Variants in CALN1 observed in about 807,000 individuals in gnomAD.
CALN1 encodes the protein calcium-binding protein 8.
In CALN1, 17 loss-of-function variants were observed where a neutral mutation model predicts 30.6. That is an observed-to-expected ratio of 0.56 (90% confidence interval 0.38 to 0.83). CALN1 has a LOEUF of 0.83. CALN1 is among the 40% of genes least tolerant of loss of function. CALN1 has a pLI of 0.00. For synonymous variants in CALN1, 156 were observed against 131.4 expected (o/e 1.19, Z -1.28); for missense variants, 291 against 354.9 (o/e 0.82, Z 1.45).
At chr7:71,861,637 C>T (rs1279280177) in intron 5 of CALN1, among the ~76,000 whole-genome samples, 1 of 151,758 alleles carries the variant, frequency 6.6e-6, no homozygotes, top group Admixed American at 6.6e-5. Context: ...AAAAATTAGC[C>T]AGGCATTGTG....
At chr7:71,808,079 C>CAAACA (rs774840438) in intron 6 of CALN1, among the ~76,000 whole-genome samples, 12 of 151,848 alleles carry the variant, frequency 7.9e-5, no homozygotes, top group Non-Finnish European at 1.5e-4. Flanking sequence ...GTCTCAAAAA[C>CAAACA]AAACAAAACA....
At chr7:72,205,559 T>TATACATATATACACATATATATATAC (rs1791790197) in intron 3 of CALN1, among the ~76,000 whole-genome samples, 1 of 77,572 alleles carries the variant, frequency 1.3e-5, no homozygotes, top group African/African-American at 6.3e-5. Flanking sequence ...AAAATATATA[T>TATACATATATACACATATATATATAC]ATATATATGT....
chr7:71,898,016 GGGGAGAGAGA>G (rs1397983988), intron 5 of CALN1, among the ~76,000 whole-genome samples: 8 of 77,604 alleles, frequency 1.0e-4, no homozygotes, highest in South Asian at 4.4e-4. Flanking sequence ...AGGGAGGGGG[GGGGAGAGAGA>G]GAGAGAGAGA....
chr7:71,823,252 A>G (rs1350467364), intron 5 of CALN1, among the ~76,000 whole-genome samples: 1 of 151,776 alleles, frequency 6.6e-6, no homozygotes, highest in Non-Finnish European at 1.5e-5. Flanking sequence ...GTAAGATCAG[A>G]GCTCACTGTA....
intron 2 of CALN1, among the ~76,000 whole-genome samples, chr7:72,390,546 T>C (rs1419495318): frequency 6.6e-6 from 1 of 152,112 alleles, no homozygotes; most frequent in Non-Finnish European, 1.5e-5. Flanking sequence ...GTCCACAAAT[T>C]TGGATGGGAA....
At chr7:72,071,087 C>T (rs1804360368) in intron 4 of CALN1, among the ~76,000 whole-genome samples, 1 of 152,194 alleles carries the variant, frequency 6.6e-6, no homozygotes, top group Non-Finnish European at 1.5e-5. Context: ...CAGGGAAAGG[C>T]TTGGTTGGTA....
intron 1 of CALN1, among the ~76,000 whole-genome samples, chr7:72,411,122 T>C (rs1807108161): frequency 6.6e-6 from 1 of 152,048 alleles, no homozygotes; most frequent in South Asian, 2.1e-4. Context: ...GCAGAGCCTA[T>C]TTATAAGAGC....
At chr7:71,817,708 G>A (rs1011818094) in intron 5 of CALN1, among the ~76,000 whole-genome samples, 1 of 151,994 alleles carries the variant, frequency 6.6e-6, no homozygotes, top group African/African-American at 2.4e-5. Context: ...TAGAGATGGG[G>A]TTTCACCATG....
chr7:72,161,940 A>T (rs1788142337), intron 3 of CALN1, among the ~76,000 whole-genome samples: 1 of 151,846 alleles, frequency 6.6e-6, no homozygotes, highest in African/African-American at 2.4e-5. Context: ...AAAAGAAAAA[A>T]AGTTGGTGAT....
Position 72,387,394 on chromosome 7 carries a change from G to A in CALN1, c.119+15857C>T, listed in dbSNP as rs192368575. Among the ~76,000 whole-genome samples, 290 of 152,142 alleles carry A rather than the reference G, an allele frequency of 1.9e-3. 1 individual carries two copies. The highest frequency in any genetic ancestry group is 3.0e-3 in the Non-Finnish European group (205 of 67,998). On this transcript the variant is annotated intron_variant, in intron 2 of 6. Transcript: ENST00000395275. ...GGAGCATAACTCCTGTTTCTTAAGTGTAGTCTGTGCAGTGACTTTCTCCCA... is the reference window on the plus strand; with the variant it reads ...GGAGCATAACTCCTGTTTCTTAAGTATAGTCTGTGCAGTGACTTTCTCCCA...
Position 71,915,031 on chromosome 7 carries a change from G to A in CALN1, c.502-104539C>T, listed in dbSNP as rs368337670. On this transcript the variant is annotated intron_variant, in intron 5 of 6. Transcript: ENST00000395275. ...AACTAAACAATGGTGGCAACAGGAC[G>A]CTGGTACACAAACACTTCCTGTGTT... Among the ~76,000 whole-genome samples, 4 of 152,192 alleles carry A rather than the reference G, an allele frequency of 2.6e-5. No individual in the cohort carries two copies. In the East Asian group the frequency reaches 5.8e-4, roughly 22 times the overall value.
At chr7:71,899,320 T>C in intron 5 of CALN1, among the ~76,000 whole-genome samples, 1 of 152,088 alleles carries the variant, frequency 6.6e-6, no homozygotes, top group East Asian at 1.9e-4. Flanking sequence ...ATTTTGTATT[T>C]TTAGTAGAGA....
At chr7:72,256,219 G>A (rs1226905328) in intron 3 of CALN1, among the ~76,000 whole-genome samples, 3 of 152,116 alleles carry the variant, frequency 2.0e-5, no homozygotes, top group Non-Finnish European at 4.4e-5. Flanking sequence ...AGCTGTTTAG[G>A]AGGCCTACGT....
At chr7:72,295,692 GT>G (rs1798805420) in intron 2 of CALN1, among the ~76,000 whole-genome samples, 1 of 148,926 alleles carries the variant, frequency 6.7e-6, no homozygotes, top group South Asian at 2.2e-4. Context: ...AAGAATGCTT[GT>G]GATTTTTGTA....
intron 1 of CALN1, among the ~76,000 whole-genome samples, chr7:72,404,412 A>G (rs1390588479): frequency 6.6e-6 from 1 of 152,132 alleles, no homozygotes; most frequent in Non-Finnish European, 1.5e-5. Context: ...GAAGGTAAAA[A>G]CAAACAATAA....
intron 3 of CALN1, among the ~76,000 whole-genome samples, chr7:72,240,345 C>G (rs1794747419): frequency 6.6e-6 from 1 of 152,060 alleles, no homozygotes; most frequent in Admixed American, 6.6e-5. Flanking sequence ...TAAGGACGTG[C>G]CACCGTGCCA....
chr7:71,975,133 T>C (rs1317808635), intron 5 of CALN1, among the ~76,000 whole-genome samples: 1 of 152,118 alleles, frequency 6.6e-6, no homozygotes, highest in Non-Finnish European at 1.5e-5. Flanking sequence ...TACTCTTCTC[T>C]GGGCAAACCC....
At chr7:71,924,254 GGATTTCAGATCTTTTTAAAAAAGATT>G (rs2129518801) in intron 5 of CALN1, among the ~76,000 whole-genome samples, 1 of 148,948 alleles carries the variant, frequency 6.7e-6, no homozygotes, top group African/African-American at 2.5e-5. Context: ...AAAAAGATTA[GGATTTCAGATCTTTTTAAAAAAGATT>G]AGGATTTCAG....
chr7:71,925,851 T>C (rs1413520971), intron 5 of CALN1, among the ~76,000 whole-genome samples: 1 of 151,870 alleles, frequency 6.6e-6, no homozygotes, highest in Admixed American at 6.6e-5. Context: ...GAGGGGTCAG[T>C]GGTGCAGTTT....
Sources: allele counts gnomAD v4.1 joint callset (sites outside exome capture counted in the v4.1 genomes callset), GRCh38; gene constraint gnomAD v4.1.1; transcripts MANE v1.5; gene names NCBI Gene and HGNC (gene_info 2026-07-23, HGNC 2026-07-21).